The following FHIT variants were observed in gnomAD, a reference collection of about 807,000 sequenced individuals.
The protein encoded by FHIT is fragile histidine triad diadenosine triphosphatase.
In FHIT, 19 loss-of-function variants were observed where a neutral mutation model predicts 17.9. The observed-to-expected ratio is 1.06, with a 90% CI of 0.74 to 1.56. The LOEUF is 1.56. Among genes scored for constraint, FHIT ranks in the 40% most tolerant of loss-of-function variants. The pLI, the probability that FHIT is intolerant of heterozygous loss-of-function variation, is 0.00. For missense variants in FHIT, 248 were observed against 189.2 expected (o/e 1.31, Z -1.82); for synonymous variants, 81 against 69.7 (o/e 1.16, Z -0.81).
chr3:59,838,945 T>C (rs1575572586), intron 8 of FHIT, among the ~76,000 whole-genome samples: 1 of 152,060 alleles, frequency 6.6e-6, no homozygotes, highest in East Asian at 1.9e-4. Flanking sequence ...TCAATTATAT[T>C]TATATATTTG....
At chr3:60,315,460 C>T (rs867000668) in intron 5 of FHIT, among the ~76,000 whole-genome samples, 1 of 152,152 alleles carries the variant, frequency 6.6e-6, no homozygotes, top group Non-Finnish European at 1.5e-5. Flanking sequence ...ATCCTACCCC[C>T]ACACAAATAA....
chr3:60,341,524 G>C (rs769344662), intron 5 of FHIT, among the ~76,000 whole-genome samples: 9 of 151,952 alleles, frequency 5.9e-5, no homozygotes, highest in African/African-American at 2.2e-4. Context: ...TTTTTACTGC[G>C]TTCTAAGCTC....
chr3:60,059,219 A>G (rs1442957939), intron 5 of FHIT, among the ~76,000 whole-genome samples: 2 of 152,336 alleles, frequency 1.3e-5, no homozygotes, highest in East Asian at 1.9e-4. Flanking sequence ...GGTAATCAGC[A>G]GTTTTCAGGA....
At chr3:60,868,294 C>G (rs986246222) in intron 3 of FHIT, among the ~76,000 whole-genome samples, 1 of 152,062 alleles carries the variant, frequency 6.6e-6, no homozygotes, top group Non-Finnish European at 1.5e-5. Context: ...CTGTGAAACC[C>G]TAGTCTACAG....
intron 5 of FHIT, among the ~76,000 whole-genome samples, chr3:60,500,543 G>A (rs2034480731): frequency 1.3e-5 from 2 of 152,002 alleles, no homozygotes; most frequent in South Asian, 4.2e-4. Flanking sequence ...GCCAAGGTGG[G>A]TGGATCATTT....
intron 4 of FHIT, among the ~76,000 whole-genome samples, chr3:60,576,329 C>T (rs1476054466): frequency 1.3e-5 from 2 of 151,960 alleles, no homozygotes; most frequent in African/African-American, 4.8e-5. Flanking sequence ...CGTCAGGAAG[C>T]ACAGAAGAGG....
At chr3:60,834,881 G>GAA (rs71092645) in intron 3 of FHIT, among the ~76,000 whole-genome samples, 3,999 of 94,428 alleles carry the variant, frequency 0.042, 68 homozygotes, top group Non-Finnish European at 0.063. Context: ...GAAAAGAAAA[G>GAA]AAAAAAAAAA....
chr3:60,141,838 G>A (rs570170857), intron 5 of FHIT, among the ~76,000 whole-genome samples: 39 of 152,264 alleles, frequency 2.6e-4, no homozygotes, highest in South Asian at 4.1e-4. Context: ...GGACAGTTGC[G>A]CTAAACATAT....
At chr3:60,715,418 C>T (rs1230017323) in intron 4 of FHIT, among the ~76,000 whole-genome samples, 3 of 152,056 alleles carry the variant, frequency 2.0e-5, no homozygotes, top group African/African-American at 7.2e-5. Context: ...GGCACATATA[C>T]ACCATGGAAT....
intron 4 of FHIT, among the ~76,000 whole-genome samples, chr3:60,691,018 A>AT (rs1233085665): frequency 9.2e-5 from 14 of 152,024 alleles, no homozygotes; most frequent in South Asian, 2.1e-4. Context: ...TGTGTGAAGG[A>AT]TTTTTTTTAC....
At position 60,724,642 on chromosome 3, in the gene FHIT, T is replaced by G. The variant is rs548547548; in HGVS notation, c.-18+97277A>C. 2.7e-4 allele frequency among the ~76,000 whole-genome samples: 40 copies of G among 150,682 alleles called. No individual in the cohort carries two copies. The South Asian group carries it at 6.7e-3, about 25-fold the overall frequency. On this transcript the variant is annotated intron_variant, in intron 4 of 9. Coordinates refer to ENST00000492590, the MANE Select transcript of FHIT (RefSeq NM_002012.4). ...ATCCTTGCTAATAGTTACTATTAAC[T>G]GTCTGTTTTTTTTTTTTGTTTTTTT...
At chr3:60,678,746 G>T (rs2040678919) in intron 4 of FHIT, among the ~76,000 whole-genome samples, 2 of 152,066 alleles carry the variant, frequency 1.3e-5, no homozygotes, top group Non-Finnish European at 2.9e-5. Context: ...ATTTTCAAGT[G>T]TCCCTAATTT....
chr3:60,868,511 A>C (rs148523859), intron 3 of FHIT, among the ~76,000 whole-genome samples: 326 of 152,274 alleles, frequency 2.1e-3, no homozygotes, highest in African/African-American at 7.5e-3. Flanking sequence ...ACAACCAATA[A>C]GAATCAGAAA....
intron 8 of FHIT, among the ~76,000 whole-genome samples, chr3:59,781,767 AG>A (rs1241571770): frequency 1.3e-5 from 2 of 152,224 alleles, no homozygotes; most frequent in African/African-American, 4.8e-5. Context: ...ACCTGGTCCC[AG>A]ATGAAGATTA....
At chr3:60,434,269 T>G (rs949305426) in intron 5 of FHIT, among the ~76,000 whole-genome samples, 1 of 152,124 alleles carries the variant, frequency 6.6e-6, no homozygotes, top group African/African-American at 2.4e-5. Flanking sequence ...AATAAATATT[T>G]TCTCTTCCAA....
At chr3:60,527,365 T>C (rs369746847) in intron 5 of FHIT, among the ~76,000 whole-genome samples, 7 of 152,252 alleles carry the variant, frequency 4.6e-5, no homozygotes, top group Admixed American at 1.3e-4. Context: ...AAGGGTATCA[T>C]GGCTAACTTT....
chr3:59,994,472 A>G (rs1402068322), intron 7 of FHIT, among the ~76,000 whole-genome samples: 1 of 152,082 alleles, frequency 6.6e-6, no homozygotes, highest in Non-Finnish European at 1.5e-5. Flanking sequence ...GGCAAAAAGA[A>G]AAAAATCCCA....
chr3:61,196,461 A>G (rs1032343509), intron 2 of FHIT, among the ~76,000 whole-genome samples: 7 of 152,228 alleles, frequency 4.6e-5, no homozygotes, highest in African/African-American at 7.2e-5. Context: ...CCAACTATGC[A>G]ATCAAAATGT....
At chr3:60,284,752 G>A (rs957759779) in intron 5 of FHIT, among the ~76,000 whole-genome samples, 2 of 152,020 alleles carry the variant, frequency 1.3e-5, no homozygotes, top group Non-Finnish European at 2.9e-5. Flanking sequence ...AAGTCAATAT[G>A]ACCCTGGTTA....
Sources: allele counts gnomAD v4.1 joint callset (sites outside exome capture counted in the v4.1 genomes callset), GRCh38; gene constraint gnomAD v4.1.1; transcripts MANE v1.5; gene names NCBI Gene and HGNC (gene_info 2026-07-23, HGNC 2026-07-21).